The following MACROD2 variants were observed in gnomAD, a reference collection of about 807,000 sequenced individuals.
MACROD2 encodes mono-ADP ribosylhydrolase 2, also known as ADP-ribose glycohydrolase MACROD2.
Under a neutral mutation model 70.4 loss-of-function variants are expected in MACROD2, and 36 were observed. That is an observed-to-expected ratio of 0.51 (90% CI 0.39 to 0.68). MACROD2 has a LOEUF of 0.68. Ranked by LOEUF, MACROD2 falls within the 30% of genes least tolerant of loss-of-function variation. MACROD2 has a pLI of 0.00. For missense variants in MACROD2, 496 were observed against 538.4 expected, an observed-to-expected ratio of 0.92 and a Z score of 0.78; for synonymous variants, 172 against 178.8, an observed-to-expected ratio of 0.96 and a Z score of 0.30.
intron 8 of MACROD2, among the ~76,000 whole-genome samples, chr20:15,847,318 C>T (rs1032894554): frequency 1.3e-5 from 2 of 152,142 alleles, no homozygotes; most frequent in African/African-American, 4.8e-5. Flanking sequence ...TCTCTCTAAG[C>T]AATTGAGTGG....
At chr20:15,862,881 C>A in intron 9 of MACROD2, 55 bp downstream of exon 9, 1 of 1,316,882 alleles carries the variant, frequency 7.6e-7, no homozygotes, top group South Asian at 1.2e-5. Flanking sequence ...GAAGTGGAGC[C>A]GTCACTTCTA....
At chr20:13,997,339 G>A (rs1432417795) in intron 1 of MACROD2, among the ~76,000 whole-genome samples, 2 of 152,082 alleles carry the variant, frequency 1.3e-5, no homozygotes, top group African/African-American at 4.8e-5. Context: ...CTTTCAACAA[G>A]GATTTGCCTT....
At chr20:14,511,855 G>C (rs1332475482) in intron 4 of MACROD2, among the ~76,000 whole-genome samples, 1 of 151,984 alleles carries the variant, frequency 6.6e-6, no homozygotes, top group East Asian at 1.9e-4. Context: ...ATTTCATTCT[G>C]TGCAGAGCTT....
intron 5 of MACROD2, among the ~76,000 whole-genome samples, chr20:14,826,128 T>G (rs1001343080): frequency 2.0e-5 from 3 of 151,912 alleles, no homozygotes; most frequent in African/African-American, 7.3e-5. Context: ...CTGAACTTGA[T>G]AGAAGGAGAA....
At chr20:15,964,906 A>G (rs1394394131) in intron 12 of MACROD2, among the ~76,000 whole-genome samples, 1 of 152,158 alleles carries the variant, frequency 6.6e-6, no homozygotes, top group Non-Finnish European at 1.5e-5. Flanking sequence ...TGGAGGTAGA[A>G]CCATTTCTGG....
Position 14,986,995 on chromosome 20 carries a change from A to G in MACROD2, c.419-242945A>G, listed in dbSNP as rs957510674. Among the ~76,000 whole-genome samples the G allele has an allele frequency of 7.2e-5, 11 of 152,228 alleles. 1 individual carries two copies. Among genetic ancestry groups the G allele is most frequent in the African/African-American group, 1.2e-4 (5 of 41,466 alleles). On this transcript the variant is annotated intron_variant, in intron 5 of 17. Coordinates refer to ENST00000684519, the MANE Select transcript of MACROD2 (RefSeq NM_001351661.2). ...ACACACTTGCCCAGAACTCCTGCAT[A>G]CAAATGAGGAGTGGCATCCTTAACC... is the stretch of plus-strand genomic sequence containing the variant.
At chr20:14,911,272 A>T (rs546749439) in intron 5 of MACROD2, among the ~76,000 whole-genome samples, 34 of 152,284 alleles carry the variant, frequency 2.2e-4, no homozygotes, top group African/African-American at 7.7e-4. Context: ...CTAGCCCCAG[A>T]TGTTAACATC....
At chr20:15,542,069 C>T (rs924558975) in intron 8 of MACROD2, among the ~76,000 whole-genome samples, 2 of 152,178 alleles carry the variant, frequency 1.3e-5, no homozygotes, top group African/African-American at 4.8e-5. Flanking sequence ...AGGTGACAGT[C>T]TTCTCTGTGC....
chr20:14,314,850 T>C (rs1414628100), intron 3 of MACROD2, among the ~76,000 whole-genome samples: 1 of 152,100 alleles, frequency 6.6e-6, no homozygotes, highest in Admixed American at 6.5e-5. Context: ...AGTCCTCTAC[T>C]TGAAATACAT....
At chr20:15,110,996 G>A (rs1245843885) in intron 5 of MACROD2, among the ~76,000 whole-genome samples, 2 of 152,076 alleles carry the variant, frequency 1.3e-5, no homozygotes, top group East Asian at 1.9e-4. Context: ...ATTATTCTGT[G>A]AAGTAAGAGT....
At position 15,548,286 on chromosome 20, in the gene MACROD2, T is replaced by G. The variant is rs569649231; in HGVS notation, c.645+48439T>G. On this transcript the variant is annotated intron_variant, in intron 8 of 17. Coordinates refer to ENST00000684519, the MANE Select transcript of MACROD2 (RefSeq NM_001351661.2). ...GGTTTGAAATGCCACAGTTAAAACA[T>G]AGTGATTTTAAAACATATCATAAAT... 3.1e-3 allele frequency among the ~76,000 whole-genome samples: 472 copies of G among 152,326 alleles called. 3 individuals carry two copies. Among genetic ancestry groups the G allele is most frequent in the African/African-American group, 0.011 (451 of 41,586 alleles).
chr20:14,297,037 GT>G (rs1195903003), intron 3 of MACROD2, among the ~76,000 whole-genome samples: 1 of 151,606 alleles, frequency 6.6e-6, no homozygotes, highest in African/African-American at 2.4e-5. Flanking sequence ...GTGATCTGTG[GT>G]TAGTGATCTT....
intron 5 of MACROD2, among the ~76,000 whole-genome samples, chr20:14,826,560 C>T (rs576193915): frequency 4.6e-5 from 7 of 152,156 alleles, no homozygotes; most frequent in Admixed American, 4.6e-4. Context: ...TGGCAGAATT[C>T]GTGTATCTAT....
intron 5 of MACROD2, among the ~76,000 whole-genome samples, chr20:15,054,638 C>T (rs1252532998): frequency 6.6e-6 from 1 of 152,080 alleles, no homozygotes; most frequent in Non-Finnish European, 1.5e-5. Context: ...TTGTGGTGGT[C>T]TGGAATTGAA....
intron 5 of MACROD2, among the ~76,000 whole-genome samples, chr20:15,038,083 G>T (rs573200843): frequency 1.3e-5 from 2 of 152,220 alleles, no homozygotes; most frequent in South Asian, 4.1e-4. Flanking sequence ...ATTAGAAATT[G>T]TAAAAAGGGT....
chr20:14,590,610 C>T (rs928792126), intron 4 of MACROD2, among the ~76,000 whole-genome samples: 1 of 152,112 alleles, frequency 6.6e-6, no homozygotes, highest in Non-Finnish European at 1.5e-5. Context: ...TTATTGTGGT[C>T]ATGTTACTAT....
At chr20:14,053,845 AT>A (rs2053601997) in intron 2 of MACROD2, among the ~76,000 whole-genome samples, 1 of 152,122 alleles carries the variant, frequency 6.6e-6, no homozygotes, top group African/African-American at 2.4e-5. Flanking sequence ...AACAGACCTT[AT>A]ATTAGTGCAT....
At chr20:14,648,678 G>A (rs1985525763) in intron 4 of MACROD2, among the ~76,000 whole-genome samples, 1 of 150,160 alleles carries the variant, frequency 6.7e-6, no homozygotes. Context: ...GCTTAGTTTT[G>A]TTTTTTATAA....
chr20:15,702,028 G>C (rs187089605), intron 8 of MACROD2, among the ~76,000 whole-genome samples: 3 of 152,194 alleles, frequency 2.0e-5, no homozygotes, highest in Non-Finnish European at 4.4e-5. Flanking sequence ...GTATTCCAGA[G>C]TGTATATGTA....
Sources: gnomAD v4.1 joint callset for allele counts (sites outside exome capture counted in the v4.1 genomes callset) on GRCh38, gnomAD v4.1.1 for gene constraint, MANE v1.5 for transcripts, NCBI Gene and HGNC (gene_info 2026-07-23, HGNC 2026-07-21) for gene names.